The following MTERF4 variants were observed in gnomAD, a reference collection of about 807,000 sequenced individuals.
MTERF4 encodes transcription termination factor 4, mitochondrial.
MTERF4 carries 17 observed loss-of-function variants against 22.5 expected under a neutral mutation model. That is an observed-to-expected ratio of 0.75 (90% CI 0.52 to 1.13). The LOEUF (loss-of-function observed/expected upper bound fraction) is 1.13. Among genes scored for constraint, MTERF4 ranks in the 50% most tolerant of loss-of-function variants. The probability of loss-of-function intolerance (pLI) is 0.00; values close to 1 mark genes in which losing one functional copy is unlikely to be tolerated. For synonymous variants in MTERF4, 165 were observed against 175.3 expected, an observed-to-expected ratio of 0.94 and a Z score of 0.47; for missense variants, 420 against 466.8, an observed-to-expected ratio of 0.90 and a Z score of 0.92.
At chr2:241,065,589 C>T in the MTERF4 span, 9 of 1,611,274 alleles carry the variant, frequency 5.6e-6, no homozygotes, top group Non-Finnish European at 5.1e-6. Flanking sequence ...GCTGCTGGCC[C>T]GCACGCGTGA....
chr2:241,101,313 G>A (rs913800018), intron 1 of MTERF4: 3 of 357,756 alleles, frequency 8.4e-6, no homozygotes, highest in African/African-American at 2.2e-5. Flanking sequence ...GTTCACAATA[G>A]GGTTCGCGCT....
chr2:241,057,667 G>A, the MTERF4 span, among the ~76,000 whole-genome samples: 1 of 151,838 alleles, frequency 6.6e-6, no homozygotes, highest in Non-Finnish European at 1.5e-5. Context: ...CTGGGTGACA[G>A]CAAGACCCTG....
rs6708120 is a variant in MTERF4, at chr2:241,073,344, A to G, written n.2818T>C. ...AGCCTGGCCCTCCAGCTCCCTGAACACGGCAGCAAGGACATCGGAAGTGAG... is the reference window on the plus strand; with the variant it reads ...AGCCTGGCCCTCCAGCTCCCTGAACGCGGCAGCAAGGACATCGGAAGTGAG... On this transcript the variant is annotated non_coding_transcript_exon_variant, in exon 5 of 5. Coordinates refer to the MTERF4 transcript ENST00000464344. This position sits in a 1 kb window ranked among gnomAD's most constrained non-coding sequence, Gnocchi z 6.6. 4,931 of 1,573,046 alleles carry G rather than the reference A, an allele frequency of 3.1e-3. 135 individuals are homozygous for G. The African/African-American group carries it at 0.057, about 18-fold the overall frequency.
rs2064490777 is a variant in MTERF4, at chr2:241,097,291, G to T, written c.657C>A (p.Cys219Ter). The change falls in exon 3 of 4, where the codon TGC becomes TGA. Residue 219 changes from cysteine (C) to a stop codon, truncating the protein, a stop_gained. Transcript: ENST00000391980. LOFTEE classifies it low-confidence loss of function (END_TRUNC). ...CCAGGTCCTCTCGAAGAACAGAGGGGCAACTGTGCAAAATCTTGGTGACTT... is the reference window on the plus strand; with the variant it reads ...CCAGGTCCTCTCGAAGAACAGAGGGTCAACTGTGCAAAATCTTGGTGACTT... Reference protein sequence around the residue: ...VQQVTKILHSCPSVLREDLGQ... With the variant: ...VQQVTKILHS The T allele has an allele frequency of 1.2e-6, 2 of 1,614,040 alleles. No homozygotes were observed. Among genetic ancestry groups the T allele is most frequent in the Non-Finnish European group, 1.7e-6 (2 of 1,180,030 alleles).
chr2:241,059,203 T>C, the MTERF4 span, among the ~76,000 whole-genome samples: 2 of 152,114 alleles, frequency 1.3e-5, no homozygotes, highest in Non-Finnish European at 2.9e-5. Context: ...ACAAGAATAA[T>C]AGAAAACATA....
downstream of MTERF4, chr2:241,091,525 T>TCCCCGTGTGCACTGCC (rs1559325970): frequency 6.6e-6 from 1 of 152,194 alleles, no homozygotes; most frequent in African/African-American, 2.4e-5. The surrounding 1 kb of genome is among the most constrained non-coding windows in gnomAD (Gnocchi z 4.1). Context: ...CGTGGGGTCC[T>TCCCCGTGTGCACTGCC]CTGGGTGACA....
intron 3 of MTERF4, 115 bp downstream of exon 3, chr2:241,097,128 C>T: frequency 7.9e-7 from 1 of 1,272,062 alleles, no homozygotes; most frequent in South Asian, 1.4e-5. Context: ...ACCTGAGAAA[C>T]TTGCTGTTAC....
At chr2:241,077,802 G>A (rs919968287) in intron 4 of MTERF4, among the ~76,000 whole-genome samples, 7 of 152,260 alleles carry the variant, frequency 4.6e-5, no homozygotes, top group South Asian at 2.1e-4. Context: ...CTAGGATGGC[G>A]GGAATTAAAA....
chr2:241,088,369 CAAAGT>C (rs749985826), downstream of MTERF4: 25 of 1,609,388 alleles, frequency 1.6e-5, no homozygotes, highest in East Asian at 4.5e-4. Flanking sequence ...TTTCAGGAAA[CAAAGT>C]AAGAGTCAGA....
At chr2:241,076,466 A>C (rs948798996) in intron 4 of MTERF4, among the ~76,000 whole-genome samples, 1 of 152,210 alleles carries the variant, frequency 6.6e-6, no homozygotes, top group African/African-American at 2.4e-5. Flanking sequence ...ACCTTTGCAT[A>C]CTGACCTTAT....
chr2:241,057,380 AATATATATAT>A, the MTERF4 span, among the ~76,000 whole-genome samples: 815 of 118,068 alleles, frequency 6.9e-3, 15 homozygotes, highest in African/African-American at 0.018. Flanking sequence ...TCCATCTCAA[AATATATATAT>A]ATATATATAT....
In MTERF4 at chr2:241,095,750, T is replaced by C. The variant is rs2064369524; in HGVS notation, c.*248A>G. The stretch of plus-strand genomic sequence containing the variant: ...CTTGATGTGAATAGCTCAACATAAG[T>C]ATCTTATTCAGGATGGGACAGGGCC... On this transcript the variant is annotated 3_prime_UTR_variant, in exon 4 of 4. Transcript: ENST00000391980. The C allele has an allele frequency of 3.6e-6, 2 of 555,808 alleles. No homozygotes were observed. Among genetic ancestry groups the C allele is most frequent in the Non-Finnish European group, 6.2e-6 (2 of 325,178 alleles). The allele number at this position is 555,808 out of a possible 1,614,324, so 34.4% of individuals were successfully genotyped here. A position where few individuals can be genotyped will look rare whatever the true frequency, so the allele number is the denominator to read the frequency against.
chr2:241,063,923 C>G, the MTERF4 span: 7 of 1,037,088 alleles, frequency 6.7e-6, no homozygotes, highest in Non-Finnish European at 8.6e-6. Context: ...CGCCCCTAGA[C>G]TCCTCCTTTC....
downstream of MTERF4, among the ~76,000 whole-genome samples, chr2:241,082,824 A>G (rs1432398729): frequency 6.6e-6 from 1 of 152,166 alleles, no homozygotes; most frequent in Non-Finnish European, 1.5e-5. Flanking sequence ...TGCCCAGCCC[A>G]TCTCTTAGGT....
At chr2:241,055,290 A>G in the MTERF4 span, among the ~76,000 whole-genome samples, 1 of 152,212 alleles carries the variant, frequency 6.6e-6, no homozygotes, top group South Asian at 2.1e-4. Flanking sequence ...AGAACGTCAG[A>G]CAGGAGCAAA....
At chr2:241,081,872 G>A (rs111856095) in intron 4 of MTERF4, 13 of 1,101,972 alleles carry the variant, frequency 1.2e-5, no homozygotes, top group African/African-American at 1.1e-4. Context: ...CCACAGCTGG[G>A]TTTGCCACGG....
chr2:241,086,313 G>A (rs2063572585), downstream of MTERF4, among the ~76,000 whole-genome samples: 1 of 152,118 alleles, frequency 6.6e-6, no homozygotes, highest in Non-Finnish European at 1.5e-5. Flanking sequence ...AGGCCCAAGG[G>A]GACCCTACAC....
chr2:241,047,905 C>T, the MTERF4 span, among the ~76,000 whole-genome samples: 1 of 151,394 alleles, frequency 6.6e-6, no homozygotes, highest in Non-Finnish European at 1.5e-5. Context: ...GGTGGTCTCT[C>T]CGGTGCTTCT....
downstream of MTERF4, among the ~76,000 whole-genome samples, chr2:241,090,836 C>T (rs921441540): frequency 6.8e-6 from 1 of 148,032 alleles, no homozygotes; most frequent in Non-Finnish European, 1.5e-5. Flanking sequence ...CACTATACTA[C>T]AGCTTAGGCA....
Sources: allele counts gnomAD v4.1 joint callset (sites outside exome capture counted in the v4.1 genomes callset), GRCh38; gene constraint gnomAD v4.1.1; non-coding constraint Gnocchi (gnomAD v3.1); transcripts MANE v1.5; gene names NCBI Gene and HGNC (gene_info 2026-07-23, HGNC 2026-07-21).